The following LILRA1 variants were observed in gnomAD, a reference collection of about 807,000 sequenced individuals.
LILRA1 encodes leukocyte immunoglobulin like receptor A1, also known as leukocyte immunoglobulin-like receptor subfamily A member 1.
LILRA1 carries 51 observed loss-of-function variants against 51.6 expected under a neutral mutation model. The ratio of observed to expected loss-of-function variants is 0.99; its 90% CI spans 0.79 to 1.25. The LOEUF is 1.25. LILRA1 is among the 50% of genes most tolerant of loss of function. The pLI, the probability that LILRA1 is intolerant of heterozygous loss-of-function variation, is 0.00. For missense variants in LILRA1, 660 were observed against 611.7 expected (o/e 1.08, Z -0.83); for synonymous variants, 305 against 248.4 (o/e 1.23, Z -2.14).
At chr19:54,598,264 A>T (rs574050308) in intron 7 of LILRA1, among the ~76,000 whole-genome samples, 1 of 152,286 alleles carries the variant, frequency 6.6e-6, no homozygotes, top group African/African-American at 2.4e-5. Context: ...CCTATTATTT[A>T]AAAACATTTA....
chr19:54,597,269 G>T (rs952283724), intron 7 of LILRA1, among the ~76,000 whole-genome samples: 1 of 148,800 alleles, frequency 6.7e-6, no homozygotes, highest in Non-Finnish European at 1.5e-5. Context: ...GGACAGTAAG[G>T]GTGTGGTCTG....
rs55979554 is a variant in LILRA1, at chr19:54,594,293, G to A, written c.34+15G>A. ...GATCTGTCTCAGTGAGATTTGAAGA[G>A]GGAGGGGAGCTTCTAACCTAGGAGG... On this transcript the variant is annotated intron_variant, in intron 2 of 9. Coordinates refer to ENST00000251372, the MANE Select transcript of LILRA1 (RefSeq NM_006863.4). 55 of 1,612,708 alleles carry A rather than the reference G, an allele frequency of 3.4e-5. No homozygotes were observed. In the South Asian group the frequency reaches 3.8e-4, roughly 11 times the overall value.
Position 54,601,371 on chromosome 19 carries a change from T to G in LILRA1, c.*554T>G. On this transcript the variant is annotated 3_prime_UTR_variant, in exon 10 of 10. Transcript: ENST00000251372. ...TACGAGCCCTTCCCTCCTTCTCACA[T>G]GCTACCTGTGCAGCTTCTCCTTAGA... 1 of 171,884 alleles carries G rather than the reference T, an allele frequency of 5.8e-6. No individual in the cohort carries two copies. The allele number at this position is 171,884 out of a possible 1,614,324, so 10.6% of individuals were successfully genotyped here.
rs767615711 is a variant in LILRA1, at chr19:54,594,429, A to G, written c.35-12A>G. 34 of 1,613,938 alleles carry G rather than the reference A, an allele frequency of 2.1e-5. No individual in the cohort carries two copies. The highest frequency in any genetic ancestry group is 2.7e-5 in the Non-Finnish European group (32 of 1,180,006). On this transcript the variant is annotated splice_polypyrimidine_tract_variant and intron_variant, in intron 2 of 9. Transcript: ENST00000251372. Reference sequence around the variant, plus strand: ...TTCAGGGGCAAATTCCTCACAGGGAACTCTCTTCCAGGGCTGAGTCTGGGC... The same window carrying G: ...TTCAGGGGCAAATTCCTCACAGGGAGCTCTCTTCCAGGGCTGAGTCTGGGC...
In LILRA1 at chr19:54,596,464, A is replaced by G; in HGVS notation, c.1234A>G (p.Ser412Gly). 6.2e-7 allele frequency: 1 copy of G among 1,614,064 alleles called. No individual in the cohort carries two copies. The highest frequency in any genetic ancestry group is 2.2e-5 in the East Asian group (1 of 44,860). The change falls in exon 7 of 10, where the codon AGT (serine) becomes GGT (glycine). Residue 412 changes from serine (S) to glycine (G), a missense_variant. Physicochemically the swap from Ser to Gly is moderately conservative, Grantham distance 56. Coordinates refer to ENST00000251372, the MANE Select transcript of LILRA1 (RefSeq NM_006863.4). ...SSNPYLLSHP[S>G]DSLELMVSGA... ...CAACCCCTACCTGCTGTCTCACCCC[A>G]GTGACTCCCTGGAGCTCATGGTCTC...
Position 54,596,202 on chromosome 19 carries a change from C to T in LILRA1, c.972C>T (p.Gly324=). ...LDILIAGQFR[G]RPFISVHPGP... ...TCTTCTCTCCAGGACAGTTCCGTGG[C>T]AGACCCTTCATCTCGGTGCATCCGG... The change falls in exon 7 of 10, where the codon GGC becomes GGT. Residue 324 remains glycine, a synonymous_variant. Coordinates refer to ENST00000251372, the MANE Select transcript of LILRA1 (RefSeq NM_006863.4). The T allele has an allele frequency of 6.2e-7, 1 of 1,613,804 alleles. No homozygotes were observed. The highest frequency in any genetic ancestry group is 1.1e-5 in the South Asian group (1 of 91,066).
chr19:54,599,509 A>G (rs1252088864), intron 8 of LILRA1: 14 of 1,203,428 alleles, frequency 1.2e-5, no homozygotes, highest in South Asian at 1.6e-5. Flanking sequence ...GAGTATATTC[A>G]TTGTATTTCA....
rs759815216 is a variant in LILRA1, at chr19:54,594,254, A to T, written c.10A>T (p.Ile4Phe). 6.2e-7 allele frequency: 1 copy of T among 1,611,612 alleles called. No homozygotes were observed. Among genetic ancestry groups the T allele is most frequent in the Non-Finnish European group, 8.5e-7 (1 of 1,179,300 alleles). ...AGTGGGAGGAGACGCTATGACCCCC[A>T]TCGTCACAGTCCTGATCTGTCTCAG... MTP[I>F]VTVLICLRLS... Residue 4 changes from isoleucine to phenylalanine, a missense_variant, in exon 2 of 10, where the codon ATC (isoleucine) becomes TTC (phenylalanine). Coordinates refer to ENST00000251372, the MANE Select transcript of LILRA1 (RefSeq NM_006863.4).
intron 7 of LILRA1, among the ~76,000 whole-genome samples, chr19:54,597,763 G>A (rs1230553950): frequency 2.0e-5 from 3 of 151,866 alleles, no homozygotes; most frequent in Admixed American, 6.5e-5. Flanking sequence ...GCCATCTCAA[G>A]ACAAGAGAGG....
rs375761986 is a variant in LILRA1 at position 54,595,173 on chromosome 19, T to C, written c.432T>C (p.His144=). 3 of 1,613,466 alleles carry C rather than the reference T, an allele frequency of 1.9e-6. No homozygotes were observed. The highest frequency in any genetic ancestry group is 1.7e-6 in the Non-Finnish European group (2 of 1,179,896). ...VVTSGGNVTL[H]CVSQVAFGSF... The stretch of plus-strand genomic sequence containing the variant: ...CCTCAGGAGGGAACGTGACCCTCCA[T>C]TGTGTCTCACAGGTGGCATTTGGCA... Residue 144 remains histidine (H), a synonymous_variant, in exon 5 of 10, where the codon CAT becomes CAC. Transcript: ENST00000251372.
At chr19:54,599,926 A>G (rs552727194) in intron 8 of LILRA1, among the ~76,000 whole-genome samples, 1 of 151,600 alleles carries the variant, frequency 6.6e-6, no homozygotes, top group South Asian at 2.1e-4. Context: ...CATTTAGCAT[A>G]TATATATATA....
In LILRA1 at chr19:54,596,389, G is replaced by A. The variant is rs116973751; in HGVS notation, c.1159G>A (p.Val387Met). 6.8e-6 allele frequency: 11 copies of A among 1,613,804 alleles called. No individual in the cohort carries two copies. The South Asian group carries it at 8.8e-5, about 13-fold the overall frequency. The change falls in exon 7 of 10, where the codon GTG (valine) becomes ATG (methionine). Residue 387 changes from valine to methionine, a missense_variant. Val to Met is a conservative substitution (Grantham distance 21). Transcript: ENST00000251372. The part of the protein sequence containing the change: ...KYQAEFPMSP[V>M]TSAHSGTYRC... ...CCAGGCTGAATTCCCTATGAGTCCT[G>A]TGACCTCAGCCCACTCGGGGACCTA... is the stretch of plus-strand genomic sequence containing the variant.
intron 5 of LILRA1, 26 bp from the exon 6 acceptor site, chr19:54,595,613 T>A: frequency 6.3e-7 from 1 of 1,589,714 alleles, no homozygotes; most frequent in Non-Finnish European, 8.6e-7. Context: ...GGTCGGCTCC[T>A]GGAAACCATG....
intron 6 of LILRA1, 70 bp downstream of exon 6, chr19:54,596,005 T>A: frequency 6.4e-7 from 1 of 1,563,752 alleles, no homozygotes; most frequent in East Asian, 2.3e-5. Context: ...GCCCAGGTGG[T>A]GATGGCCGGA....
At chr19:54,594,557 A>T in intron 3 of LILRA1, 81 bp downstream of exon 3, 1 of 1,613,734 alleles carries the variant, frequency 6.2e-7, no homozygotes, top group Non-Finnish European at 8.5e-7. Flanking sequence ...GGGATGGGGA[A>T]TAGCAGTTCT....
At chr19:54,594,106 A>C (rs2062965589) in intron 1 of LILRA1, 91 bp from the exon 2 acceptor site, 2 of 1,380,390 alleles carry the variant, frequency 1.4e-6, no homozygotes, top group Non-Finnish European at 2.0e-6. Flanking sequence ...GCAGATGACA[A>C]CACCCCATGA....
Position 54,595,077 on chromosome 19 carries a change from C to T in LILRA1, c.359-23C>T, listed in dbSNP as rs781333429. 14 of 1,606,946 alleles carry T rather than the reference C, an allele frequency of 8.7e-6. No homozygotes were observed. The African/African-American group carries it at 1.9e-4, about 22-fold the overall frequency. ...AGTGGGAGGTGTGAGCCCCATTTAA[C>T]ATGGTGCCTCCTTCTCTCCTAGGAG... On this transcript the variant is annotated intron_variant, in intron 4 of 9. Coordinates refer to ENST00000251372, the MANE Select transcript of LILRA1 (RefSeq NM_006863.4).
At position 54,595,084 on chromosome 19, in the gene LILRA1, C is replaced by T. The variant is rs1484453744; in HGVS notation, c.359-16C>T. 1.2e-6 allele frequency: 2 copies of T among 1,608,432 alleles called. No homozygotes were observed. Among genetic ancestry groups the T allele is most frequent in the African/African-American group, 1.3e-5 (1 of 74,860 alleles). On this transcript the variant is annotated splice_polypyrimidine_tract_variant and intron_variant, in intron 4 of 9. Transcript: ENST00000251372. ...GGTGTGAGCCCCATTTAACATGGTG[C>T]CTCCTTCTCTCCTAGGAGCCTACAT... is the stretch of plus-strand genomic sequence containing the variant.
At chr19:54,594,148 G>A (rs1005985963) in intron 1 of LILRA1, 49 bp from the exon 2 acceptor site, 20 of 1,131,462 alleles carry the variant, frequency 1.8e-5, no homozygotes, top group African/African-American at 1.6e-4. Flanking sequence ...TCCACACTGG[G>A]TGGGAAGGAG....
Sources: allele counts gnomAD v4.1 joint callset (sites outside exome capture counted in the v4.1 genomes callset), GRCh38; gene constraint gnomAD v4.1.1; transcripts MANE v1.5; gene names NCBI Gene and HGNC (gene_info 2026-07-23, HGNC 2026-07-21).